DLGAP2: variants seen among roughly 807,000 people sequenced by gnomAD.
The protein encoded by DLGAP2 is DLG associated protein 2, also known as disks large-associated protein 2.
A neutral mutation model predicts 100.3 loss-of-function variants in DLGAP2; 26 were observed. That is an observed-to-expected ratio of 0.26 (90% CI 0.19 to 0.36). DLGAP2 has a LOEUF of 0.36. Ranked by LOEUF, DLGAP2 falls within the 10% of genes least tolerant of loss-of-function variation. The pLI, the probability that DLGAP2 is intolerant of heterozygous loss-of-function variation, is 1.00. For synonymous variants in DLGAP2, 886 were observed against 630.1 expected (o/e 1.41, Z -6.08); for missense variants, 1,858 against 1,453.2 (o/e 1.28, Z -4.53).
At chr8:963,069 G>A (rs746872645) in intron 2 of DLGAP2, among the ~76,000 whole-genome samples, 3 of 152,000 alleles carry the variant, frequency 2.0e-5, no homozygotes, top group African/African-American at 7.3e-5. Context: ...GCTTCGGTGC[G>A]GGCGCCATCC....
intron 3 of DLGAP2, among the ~76,000 whole-genome samples, chr8:1,484,700 C>T (rs1007281445): frequency 6.6e-6 from 1 of 152,194 alleles, no homozygotes; most frequent in Non-Finnish European, 1.5e-5. Context: ...GTTGTTAGTC[C>T]GTAAACTCTT....
At chr8:1,356,867 A>G (rs1369411882) in intron 3 of DLGAP2, among the ~76,000 whole-genome samples, 2 of 152,196 alleles carry the variant, frequency 1.3e-5, no homozygotes, top group African/African-American at 4.8e-5. Context: ...AGCCCGCACA[A>G]TGAGGAAACA....
At chr8:1,363,303 C>T (rs908207843) in intron 3 of DLGAP2, among the ~76,000 whole-genome samples, 7 of 152,148 alleles carry the variant, frequency 4.6e-5, no homozygotes, top group Admixed American at 3.9e-4. Context: ...CCTGCCTCTG[C>T]CTTGCAGGTC....
chr8:1,010,954 C>T (rs1436364631), intron 2 of DLGAP2, among the ~76,000 whole-genome samples: 4 of 143,884 alleles, frequency 2.8e-5, no homozygotes, highest in Non-Finnish European at 4.4e-5. Flanking sequence ...CAGTGAACCC[C>T]GGGCGAGGGG....
intron 2 of DLGAP2, among the ~76,000 whole-genome samples, chr8:928,276 G>T (rs1798862717): frequency 6.6e-6 from 1 of 152,162 alleles, no homozygotes; most frequent in African/African-American, 2.4e-5. Flanking sequence ...TCCTGGACAC[G>T]GTTTACCGAG....
intron 13 of DLGAP2, among the ~76,000 whole-genome samples, chr8:1,696,927 T>C (rs1799412343): frequency 1.3e-5 from 2 of 152,232 alleles, no homozygotes; most frequent in Non-Finnish European, 2.9e-5. Context: ...CGTGGAACAA[T>C]GAACAGCTGT....
Position 840,416 on chromosome 8 carries a change from C to G in DLGAP2, c.19-67496C>G, listed in dbSNP as rs1286634275. Among the ~76,000 whole-genome samples, 7 of 132,836 alleles carry G rather than the reference C, an allele frequency of 5.3e-5. 1 individual carries two copies. The highest frequency in any genetic ancestry group is 4.5e-4 in the Admixed American group (6 of 13,358). The allele number at this position is 132,836 out of a possible 152,430, so 87.1% of individuals were successfully genotyped here. ...ATTCTGCGAGCGCGTCCACATGGTG[C>G]ACGCCTGCACTTTTCCCCACACTCT... On this transcript the variant is annotated intron_variant, in intron 1 of 14. Transcript: ENST00000637795.
At chr8:924,295 C>T (rs537997044) in intron 2 of DLGAP2, among the ~76,000 whole-genome samples, 1 of 152,320 alleles carries the variant, frequency 6.6e-6, no homozygotes, top group South Asian at 2.1e-4. Context: ...GTGAGGCCAT[C>T]TCTGTCCTCC....
At chr8:1,533,017 T>C (rs1801033990) in intron 4 of DLGAP2, among the ~76,000 whole-genome samples, 1 of 152,090 alleles carries the variant, frequency 6.6e-6, no homozygotes, top group African/African-American at 2.4e-5. Context: ...ATATAAATTA[T>C]TTCCAGATGA....
chr8:1,166,309 C>G (rs142486329), intron 2 of DLGAP2, among the ~76,000 whole-genome samples: 1 of 152,176 alleles, frequency 6.6e-6, no homozygotes, highest in Non-Finnish European at 1.5e-5. Context: ...TCCTTATTCC[C>G]GAGGCCCCGG....
intron 1 of DLGAP2, among the ~76,000 whole-genome samples, chr8:904,117 C>T (rs975145780): frequency 1.3e-5 from 2 of 152,240 alleles, no homozygotes; most frequent in Non-Finnish European, 2.9e-5. Flanking sequence ...GTCTGACATC[C>T]ACTGCATATG....
intron 10 of DLGAP2, among the ~76,000 whole-genome samples, chr8:1,675,123 C>A (rs1051333397): frequency 6.6e-6 from 1 of 152,240 alleles, no homozygotes; most frequent in Non-Finnish European, 1.5e-5. Context: ...AAACACGCAT[C>A]CCAGTCTCGG....
chr8:1,272,176 C>G (rs539201053), intron 3 of DLGAP2, among the ~76,000 whole-genome samples: 1 of 152,180 alleles, frequency 6.6e-6, no homozygotes, highest in Non-Finnish European at 1.5e-5. Flanking sequence ...GATGTAATCA[C>G]ATTTTAAAAG....
chr8:1,349,504 GTAGA>G (rs1801653472), intron 3 of DLGAP2, among the ~76,000 whole-genome samples: 1 of 141,518 alleles, frequency 7.1e-6, no homozygotes, highest in East Asian at 2.2e-4. Flanking sequence ...CCACACACAG[GTAGA>G]AAGGGGTGTT....
chr8:1,549,509 G>A lies in DLGAP2; in HGVS notation c.1056G>A (p.Ser352=), dbSNP rs373693698. ...AGAGCAACAACGACGTCAAGTGCTC[G>A]GCCTGTGAGGGGTTGGCGCTGACGC... The part of the protein sequence containing the change: ...TSKSNNDVKC[S]ACEGLALTPD... The change falls in exon 5 of 15, where the codon TCG becomes TCA. Residue 352 remains serine (S), a synonymous_variant. Coordinates refer to ENST00000637795, the MANE Select transcript of DLGAP2 (RefSeq NM_001346810.2). 53 of 1,613,344 alleles carry A rather than the reference G, an allele frequency of 3.3e-5. No individual in the cohort carries two copies. Among genetic ancestry groups the A allele is most frequent in the Middle Eastern group, 1.6e-4 (1 of 6,084 alleles).
At chr8:1,209,512 G>A (rs957200967) in intron 2 of DLGAP2, among the ~76,000 whole-genome samples, 1 of 152,174 alleles carries the variant, frequency 6.6e-6, no homozygotes, top group African/African-American at 2.4e-5. Context: ...TTTCTTGAGT[G>A]AATCATTTTC....
chr8:1,191,316 A>G (rs567310204), intron 2 of DLGAP2, among the ~76,000 whole-genome samples: 2,813 of 151,272 alleles, frequency 0.019, 44 homozygotes, highest in African/African-American at 0.029. Context: ...GACTACAGGC[A>G]CCCGCCACCA....
At chr8:1,522,069 CGGG>C (rs1408540158) in intron 4 of DLGAP2, among the ~76,000 whole-genome samples, 1 of 150,712 alleles carries the variant, frequency 6.6e-6, no homozygotes, top group African/African-American at 2.4e-5. Flanking sequence ...TTGGAATACT[CGGG>C]GGCAGGTGAT....
rs531930818 is a variant in DLGAP2, at chr8:924,003, G to C, written c.73+16037G>C. Reference sequence around the variant, plus strand: ...TTAAATCAATGATGCTGTTAACATTGCTTTGAATTCCGTAGTTACTGATGA... The same window carrying C: ...TTAAATCAATGATGCTGTTAACATTCCTTTGAATTCCGTAGTTACTGATGA... On this transcript the variant is annotated intron_variant, in intron 2 of 14. Coordinates refer to ENST00000637795, the MANE Select transcript of DLGAP2 (RefSeq NM_001346810.2). Among the ~76,000 whole-genome samples, 270 of 152,330 alleles carry C rather than the reference G, an allele frequency of 1.8e-3. 1 individual carries two copies. Among genetic ancestry groups the C allele is most frequent in the Non-Finnish European group, 8.7e-4 (59 of 68,036 alleles).
Sources: gnomAD v4.1 joint callset for allele counts (sites outside exome capture counted in the v4.1 genomes callset) on GRCh38, gnomAD v4.1.1 for gene constraint, MANE v1.5 for transcripts, NCBI Gene and HGNC (gene_info 2026-07-23, HGNC 2026-07-21) for gene names.